Variants in ZFYVE28 observed in about 807,000 individuals in gnomAD.
ZFYVE28 encodes the protein zinc finger FYVE-type containing 28.
A neutral mutation model predicts 82.1 loss-of-function variants in ZFYVE28; 40 were observed. That is an observed-to-expected ratio of 0.49 (90% confidence interval 0.38 to 0.63). The LOEUF is 0.63. ZFYVE28 is among the 30% of genes least tolerant of loss of function. The pLI is 0.00. For synonymous variants in ZFYVE28, 612 were observed against 546.1 expected (o/e 1.12, Z -1.68); for missense variants, 1,321 against 1,242.1 (o/e 1.06, Z -0.96).
intron 8 of ZFYVE28, among the ~76,000 whole-genome samples, chr4:2,289,417 C>T (rs1560143408): frequency 6.6e-6 from 1 of 152,216 alleles, no homozygotes; most frequent in Non-Finnish European, 1.5e-5. Context: ...CCGCGTAACA[C>T]AGGCTGTAGC....
chr4:2,403,971 G>GA (rs35312512), intron 1 of ZFYVE28, among the ~76,000 whole-genome samples: 125 of 129,004 alleles, frequency 9.7e-4, no homozygotes, highest in African/African-American at 2.8e-3. Flanking sequence ...CTCCATTTCG[G>GA]AAAAAAAAAA....
chr4:2,384,711 G>A (rs983407687), intron 1 of ZFYVE28, among the ~76,000 whole-genome samples: 1 of 152,168 alleles, frequency 6.6e-6, no homozygotes, highest in Non-Finnish European at 1.5e-5. Context: ...ACACAGCCAA[G>A]ACTTGTGAAC....
chr4:2,342,347 G>A (rs2108866097), intron 2 of ZFYVE28, among the ~76,000 whole-genome samples: 1 of 152,316 alleles, frequency 6.6e-6, no homozygotes, highest in South Asian at 2.1e-4. Context: ...TCGCCTCTCT[G>A]ATCAGCCAGG....
chr4:2,323,877 C>A (rs1404292417), intron 6 of ZFYVE28, among the ~76,000 whole-genome samples: 1 of 152,030 alleles, frequency 6.6e-6, no homozygotes, highest in Non-Finnish European at 1.5e-5. Flanking sequence ...ATGAACTCAT[C>A]ATTTTTTATG....
In ZFYVE28 at chr4:2,339,481, C is replaced by T; in HGVS notation, c.493G>A (p.Asp165Asn). 1 of 1,613,956 alleles carries T rather than the reference C, an allele frequency of 6.2e-7. No homozygotes were observed. The highest frequency in any genetic ancestry group is 8.5e-7 in the Non-Finnish European group (1 of 1,179,984). Residue 165 changes from aspartate (D) to asparagine (N), a missense_variant, in exon 4 of 13, where the codon GAC (aspartate) becomes AAC (asparagine). Physicochemically the swap from Asp to Asn is conservative, Grantham distance 23 (BLOSUM62 1). Transcript: ENST00000290974. This position sits in a 1 kb window ranked among gnomAD's most constrained non-coding sequence, Gnocchi z 5.0. ...AGCTCAAACTCTGCGAACAGGACGT[C>T]GAAGTGCCTCAGCGCTTCCCTCATC... ...EKMREALRHF[D>N]VLFAEFELSY... is the part of the protein sequence containing the mutation.
chr4:2,317,472 G>A (rs968925430), intron 7 of ZFYVE28, among the ~76,000 whole-genome samples: 24 of 152,136 alleles, frequency 1.6e-4, no homozygotes, highest in Non-Finnish European at 4.4e-5. Flanking sequence ...CTTAGGCCTG[G>A]TTACTGCAGT....
chr4:2,282,821 G>A (rs1712131526), intron 8 of ZFYVE28, among the ~76,000 whole-genome samples: 1 of 152,180 alleles, frequency 6.6e-6, no homozygotes, highest in East Asian at 1.9e-4. Flanking sequence ...AAAACAGCCT[G>A]TAGTCCCAGC....
chr4:2,384,059 G>A, intron 1 of ZFYVE28, among the ~76,000 whole-genome samples: 1 of 152,306 alleles, frequency 6.6e-6, no homozygotes, highest in East Asian at 1.9e-4. Context: ...AGAGGGTAGG[G>A]CACATGTCCC....
chr4:2,289,045 A>G (rs1160146941), intron 8 of ZFYVE28, among the ~76,000 whole-genome samples: 3 of 152,216 alleles, frequency 2.0e-5, no homozygotes, highest in Non-Finnish European at 4.4e-5. Context: ...ACACTTTGGG[A>G]GGCCAAGGTG....
chr4:2,318,443 A>C (rs1718553044), intron 7 of ZFYVE28, among the ~76,000 whole-genome samples: 1 of 152,198 alleles, frequency 6.6e-6, no homozygotes, highest in Non-Finnish European at 1.5e-5. Context: ...CCGTAATCCC[A>C]GCTACTCAGG....
At chr4:2,354,121 G>T in intron 1 of ZFYVE28, 48 bp from the exon 2 acceptor site, 1 of 1,431,972 alleles carries the variant, frequency 7.0e-7, no homozygotes, top group South Asian at 1.5e-5. Flanking sequence ...GAACTGGAGG[G>T]GATGCCTCGG....
In ZFYVE28 at chr4:2,384,192, C is replaced by T. The variant is rs115169328; in HGVS notation, c.40-30119G>A. Among the ~76,000 whole-genome samples the T allele has an allele frequency of 7.6e-3, 1,153 of 152,328 alleles. 21 individuals carry two copies. The highest frequency in any genetic ancestry group is 0.026 in the African/African-American group (1,098 of 41,556). ...GCCAAAGTCAATGCCACAGAGCCCT[C>T]TCCTCCCCGGGTACTTCGACAAACG... On this transcript the variant is annotated intron_variant, in intron 1 of 12. Coordinates refer to ENST00000290974, the MANE Select transcript of ZFYVE28 (RefSeq NM_020972.3).
At chr4:2,333,297 T>G (rs1187822148) in intron 6 of ZFYVE28, among the ~76,000 whole-genome samples, 1 of 104,724 alleles carries the variant, frequency 9.5e-6, no homozygotes. Context: ...CTCCCTCCTC[T>G]GGCCTCCCCT....
At chr4:2,357,813 A>G (rs1725556721) in intron 1 of ZFYVE28, among the ~76,000 whole-genome samples, 1 of 152,226 alleles carries the variant, frequency 6.6e-6, no homozygotes, top group African/African-American at 2.4e-5. Context: ...GGACACGAGC[A>G]GGGGCCACGC....
At chr4:2,317,642 T>C (rs1040046376) in intron 7 of ZFYVE28, among the ~76,000 whole-genome samples, 2 of 151,532 alleles carry the variant, frequency 1.3e-5, no homozygotes, top group East Asian at 1.9e-4. Flanking sequence ...GTTTGATTGT[T>C]TTTTTTTTGA....
At chr4:2,412,064 G>A (rs1403719630) in intron 1 of ZFYVE28, among the ~76,000 whole-genome samples, 1 of 152,202 alleles carries the variant, frequency 6.6e-6, no homozygotes, top group Non-Finnish European at 1.5e-5. Flanking sequence ...GCAGGCAGGG[G>A]CAGGGCGCAT....
chr4:2,308,629 G>GAAAGAA (rs1553830485), intron 7 of ZFYVE28, among the ~76,000 whole-genome samples: 17 of 84,868 alleles, frequency 2.0e-4, no homozygotes, highest in East Asian at 1.3e-3. Flanking sequence ...AAAGAAGACA[G>GAAAGAA]AAAGAAAGAA....
chr4:2,405,076 A>C (rs1263995302), intron 1 of ZFYVE28, among the ~76,000 whole-genome samples: 1 of 152,062 alleles, frequency 6.6e-6, no homozygotes, highest in Non-Finnish European at 1.5e-5. Context: ...ATAACAACAA[A>C]AATGAACCAT....
In ZFYVE28 at chr4:2,341,693, A is replaced by G; in HGVS notation, c.181-78T>C. The G allele has an allele frequency of 7.7e-6, 12 of 1,554,364 alleles. No individual in the cohort carries two copies. The highest frequency in any genetic ancestry group is 1.7e-4 in the Middle Eastern group (1 of 5,834). On this transcript the variant is annotated intron_variant, in intron 2 of 12. Coordinates refer to ENST00000290974, the MANE Select transcript of ZFYVE28 (RefSeq NM_020972.3). The surrounding 1 kb of genome is among the most constrained non-coding windows in gnomAD (Gnocchi z 4.5). ...CGCCATGTACTGCTGGAAAACACGC[A>G]CGGTGCATGTGACTGTTTTTTAGGA... is the stretch of plus-strand genomic sequence containing the variant.
Sources: allele counts gnomAD v4.1 joint callset (sites outside exome capture counted in the v4.1 genomes callset), GRCh38; gene constraint gnomAD v4.1.1; non-coding constraint Gnocchi (gnomAD v3.1); transcripts MANE v1.5; gene names NCBI Gene and HGNC (gene_info 2026-07-23, HGNC 2026-07-21).